L3MBTL4: variants seen among roughly 807,000 people sequenced by gnomAD.
L3MBTL4 encodes the protein lethal(3)malignant brain tumor-like protein 4.
In L3MBTL4, 70 loss-of-function variants were observed where a neutral mutation model predicts 84.5. The ratio of observed to expected loss-of-function variants is 0.83; its 90% CI spans 0.68 to 1.01. L3MBTL4 has a LOEUF of 1.01. Ranked by LOEUF, L3MBTL4 falls within the 50% of genes least tolerant of loss-of-function variation. The pLI, the probability that L3MBTL4 is intolerant of heterozygous loss-of-function variation, is 0.00. For synonymous variants in L3MBTL4, 274 were observed against 259.8 expected (o/e 1.05, Z -0.52); for missense variants, 715 against 754.8 (o/e 0.95, Z 0.62).
At chr18:6,399,762 A>G (rs142196375) in intron 1 of L3MBTL4, 23 of 152,372 alleles carry the variant, frequency 1.5e-4, no homozygotes, top group Admixed American at 3.9e-4. Flanking sequence ...TGGTCTCTAT[A>G]TGATATAATG....
chr18:6,346,248 G>A (rs1159291460), intron 1 of L3MBTL4, among the ~76,000 whole-genome samples: 1 of 151,414 alleles, frequency 6.6e-6, no homozygotes, highest in Non-Finnish European at 1.5e-5. Flanking sequence ...AGAAGAAAAT[G>A]TAAGGGAAAA....
intron 12 of L3MBTL4, among the ~76,000 whole-genome samples, chr18:6,201,853 C>T (rs1237586344): frequency 1.3e-5 from 2 of 152,032 alleles, no homozygotes; most frequent in Non-Finnish European, 2.9e-5. Flanking sequence ...TACAAAATTG[C>T]ACCCCATAAA....
chr18:6,119,036 T>TCCC (rs2059447387), intron 14 of L3MBTL4, among the ~76,000 whole-genome samples: 1 of 122,820 alleles, frequency 8.1e-6, no homozygotes, highest in African/African-American at 3.2e-5. Flanking sequence ...ACAGTATCCC[T>TCCC]CCCTTCAAAG....
chr18:6,349,224 A>G (rs1487641131), intron 1 of L3MBTL4, among the ~76,000 whole-genome samples: 1 of 152,192 alleles, frequency 6.6e-6, no homozygotes, highest in African/African-American at 2.4e-5. Flanking sequence ...TATTCACCAA[A>G]AGACATATAT....
intron 13 of L3MBTL4, among the ~76,000 whole-genome samples, chr18:6,160,152 G>C (rs1197827892): frequency 6.6e-6 from 1 of 152,176 alleles, no homozygotes; most frequent in East Asian, 1.9e-4. Flanking sequence ...CTAAGCACCT[G>C]CAAGAGCTAC....
At chr18:6,123,392 AG>A (rs1299676293) in intron 14 of L3MBTL4, among the ~76,000 whole-genome samples, 1 of 152,186 alleles carries the variant, frequency 6.6e-6, no homozygotes, top group Non-Finnish European at 1.5e-5. Context: ...GGAGGGACCC[AG>A]TGGGAGGTAA....
At chr18:6,238,748 T>G in intron 9 of L3MBTL4, among the ~76,000 whole-genome samples, 1 of 152,192 alleles carries the variant, frequency 6.6e-6, no homozygotes, top group African/African-American at 2.4e-5. Context: ...CTAAGACACA[T>G]ATACAACAAT....
At chr18:6,052,621 C>T (rs1432669815) in intron 16 of L3MBTL4, among the ~76,000 whole-genome samples, 1 of 152,174 alleles carries the variant, frequency 6.6e-6, no homozygotes, top group African/African-American at 2.4e-5. Context: ...CTTGTTTGCC[C>T]TTTGCAGCTG....
At chr18:5,990,414 A>G (rs760519457) in intron 16 of L3MBTL4, among the ~76,000 whole-genome samples, 9 of 152,234 alleles carry the variant, frequency 5.9e-5, no homozygotes, top group South Asian at 2.1e-4. Context: ...CATGTTATTA[A>G]TTCACATGGG....
chr18:6,021,000 G>T (rs1239406907), intron 16 of L3MBTL4, among the ~76,000 whole-genome samples: 1 of 152,178 alleles, frequency 6.6e-6, no homozygotes, highest in Admixed American at 6.5e-5. Context: ...GAAAGAGGAG[G>T]CAGCAAAGGA....
At chr18:6,014,206 T>C (rs1441468505) in intron 16 of L3MBTL4, among the ~76,000 whole-genome samples, 1 of 152,204 alleles carries the variant, frequency 6.6e-6, no homozygotes, top group Non-Finnish European at 1.5e-5. Flanking sequence ...TACACAAACA[T>C]AATGCATCCT....
Position 6,213,279 on chromosome 18 carries a change from T to A in L3MBTL4, c.871-20A>T, listed in dbSNP as rs1411860765. 1 of 1,406,716 alleles carries A rather than the reference T, an allele frequency of 7.1e-7. No individual in the cohort carries two copies. Among genetic ancestry groups the A allele is most frequent in the African/African-American group, 1.5e-5 (1 of 68,710 alleles). The allele number at this position is 1,406,716 out of a possible 1,614,324, so 87.1% of individuals were successfully genotyped here. On this transcript the variant is annotated intron_variant, in intron 11 of 18. Coordinates refer to ENST00000317931, the MANE Select transcript of L3MBTL4 (RefSeq NM_001330559.2). ...CAACCTCTGTAAATGTTATTATAAG[T>A]ACAACAAATCATGCAAAATTCAGTA...
chr18:6,364,974 A>G (rs1012840241), intron 1 of L3MBTL4, among the ~76,000 whole-genome samples: 2 of 152,100 alleles, frequency 1.3e-5, no homozygotes, highest in African/African-American at 2.4e-5. Flanking sequence ...TAAAATATAT[A>G]TTATAGCAAA....
chr18:6,260,068 T>A (rs2048329872), intron 5 of L3MBTL4: 1 of 152,204 alleles, frequency 6.6e-6, no homozygotes, highest in Admixed American at 6.5e-5. Flanking sequence ...TTGCTTTTTT[T>A]CTGTCAGCTT....
At chr18:6,381,719 T>C (rs1220679202) in intron 1 of L3MBTL4, among the ~76,000 whole-genome samples, 1 of 152,226 alleles carries the variant, frequency 6.6e-6, no homozygotes, top group Admixed American at 6.5e-5. Context: ...TCTGATGGGG[T>C]TCCGTTTGTG....
chr18:6,043,323 A>G (rs1320992428), intron 16 of L3MBTL4, among the ~76,000 whole-genome samples: 2 of 152,092 alleles, frequency 1.3e-5, no homozygotes, highest in East Asian at 1.9e-4. Context: ...TCTCGGTTCA[A>G]TTTGAGACTT....
intron 1 of L3MBTL4, among the ~76,000 whole-genome samples, chr18:6,315,444 T>C (rs1369458755): frequency 6.6e-6 from 1 of 152,240 alleles, no homozygotes; most frequent in Admixed American, 6.5e-5. Flanking sequence ...GTACCAGGCA[T>C]AGCTATCAGT....
At chr18:6,202,850 T>G (rs2045706753) in intron 12 of L3MBTL4, among the ~76,000 whole-genome samples, 1 of 152,168 alleles carries the variant, frequency 6.6e-6, no homozygotes, top group Non-Finnish European at 1.5e-5. Context: ...AAAGTACCAG[T>G]TACATACCTA....
At chr18:6,239,584 G>T (rs1296303894) in intron 9 of L3MBTL4, 134 bp downstream of exon 9, 6 of 796,064 alleles carry the variant, frequency 7.5e-6, no homozygotes, top group Non-Finnish European at 1.0e-5. Context: ...AGAAGGTAAT[G>T]AACAGTCAAC....
Sources: allele counts gnomAD v4.1 joint callset (sites outside exome capture counted in the v4.1 genomes callset), GRCh38; gene constraint gnomAD v4.1.1; transcripts MANE v1.5; gene names NCBI Gene and HGNC (gene_info 2026-07-23, HGNC 2026-07-21).